MACROD2: variants seen among roughly 807,000 people sequenced by gnomAD.
MACROD2 encodes mono-ADP ribosylhydrolase 2.
MACROD2 carries 36 observed loss-of-function variants against 70.4 expected under a neutral mutation model. The observed-to-expected ratio is 0.51, with a 90% CI of 0.39 to 0.68. The LOEUF (loss-of-function observed/expected upper bound fraction) is 0.68. Ranked by LOEUF, MACROD2 falls within the 30% of genes least tolerant of loss-of-function variation. The pLI is 0.00. For missense variants in MACROD2, 496 were observed against 538.4 expected (o/e 0.92, Z 0.78); for synonymous variants, 172 against 178.8 (o/e 0.96, Z 0.30).
intron 5 of MACROD2, among the ~76,000 whole-genome samples, chr20:15,181,873 A>G (rs2076503229): frequency 1.3e-5 from 2 of 152,192 alleles, no homozygotes; most frequent in African/African-American, 4.8e-5. Context: ...TATGCCTTTG[A>G]AGAAGATTAT....
chr20:15,621,417 G>C (rs937809370), intron 8 of MACROD2, among the ~76,000 whole-genome samples: 4 of 152,070 alleles, frequency 2.6e-5, no homozygotes, highest in Admixed American at 1.3e-4. Context: ...ACTTTGCTCA[G>C]GACATGCAGA....
intron 10 of MACROD2, among the ~76,000 whole-genome samples, chr20:15,886,298 A>G (rs1411370790): frequency 6.6e-6 from 1 of 152,144 alleles, no homozygotes; most frequent in Non-Finnish European, 1.5e-5. Flanking sequence ...ACACTTGTTC[A>G]TGGCCACCTT....
chr20:14,193,254 CACA>C (rs2081402675), intron 3 of MACROD2, among the ~76,000 whole-genome samples: 1 of 152,150 alleles, frequency 6.6e-6, no homozygotes, highest in Non-Finnish European at 1.5e-5. Flanking sequence ...TTGCCTAATC[CACA>C]GAGCCAGGGA....
chr20:15,182,464 A>C (rs1446751628), intron 5 of MACROD2, among the ~76,000 whole-genome samples: 2 of 152,144 alleles, frequency 1.3e-5, no homozygotes, highest in Non-Finnish European at 2.9e-5. Context: ...GACACAAAGA[A>C]CCTAGTTGAT....
At chr20:15,900,085 T>C (rs6043605) in intron 10 of MACROD2, among the ~76,000 whole-genome samples, 10,084 of 152,184 alleles carry the variant, frequency 0.066, 862 homozygotes, top group African/African-American at 0.2. Flanking sequence ...GGACATTCTA[T>C]CTTTCAGAAT....
At chr20:14,834,713 C>T (rs2073009700) in intron 5 of MACROD2, among the ~76,000 whole-genome samples, 1 of 151,900 alleles carries the variant, frequency 6.6e-6, no homozygotes, top group East Asian at 1.9e-4. Context: ...TTACTTTATT[C>T]TATTATCTTC....
intron 6 of MACROD2, among the ~76,000 whole-genome samples, chr20:15,355,337 C>A (rs1283110645): frequency 1.3e-5 from 2 of 152,134 alleles, no homozygotes; most frequent in Non-Finnish European, 2.9e-5. Flanking sequence ...AATTGCTACA[C>A]CTATAATTAC....
intron 3 of MACROD2, among the ~76,000 whole-genome samples, chr20:14,444,887 T>G (rs907086359): frequency 1.3e-5 from 2 of 151,640 alleles, no homozygotes; most frequent in African/African-American, 2.4e-5. Context: ...TATATATATG[T>G]AGAGAGAGAG....
chr20:15,396,937 C>T (rs934811629), intron 6 of MACROD2, among the ~76,000 whole-genome samples: 8 of 152,196 alleles, frequency 5.3e-5, no homozygotes, highest in Non-Finnish European at 1.2e-4. Flanking sequence ...CAGAACGGTG[C>T]ATTCCATCAT....
chr20:15,366,232 A>G lies in MACROD2; in HGVS notation c.541-65173A>G, dbSNP rs902685483. On this transcript the variant is annotated intron_variant, in intron 6 of 17. Transcript: ENST00000684519. ...AAGACATTCAGAAGAAAATTAAGTT[A>G]TGGAAGTTTCCAATCTCCTTTTTTT... Among the ~76,000 whole-genome samples the G allele has an allele frequency of 4.6e-5, 7 of 152,286 alleles. No homozygotes were observed. In the East Asian group the frequency reaches 7.7e-4, roughly 17 times the overall value.
chr20:14,005,263 C>T (rs2148612294), intron 2 of MACROD2, among the ~76,000 whole-genome samples: 2 of 151,732 alleles, frequency 1.3e-5, no homozygotes, highest in East Asian at 3.9e-4. Context: ...AGATGATTAC[C>T]AAAAAATAAA....
At position 15,656,016 on chromosome 20, in the gene MACROD2, A is replaced by G. The variant is rs1414821186; in HGVS notation, c.645+156169A>G. 2.0e-5 allele frequency among the ~76,000 whole-genome samples: 3 copies of G among 151,960 alleles called. No individual in the cohort carries two copies. The East Asian group carries it at 5.8e-4, about 29-fold the overall frequency. ...TTGTTACCAAGTTACTTTTACAGACACCATCTCCATTTCTCCAGTGATCTA... is the reference window on the plus strand; with the variant it reads ...TTGTTACCAAGTTACTTTTACAGACGCCATCTCCATTTCTCCAGTGATCTA... On this transcript the variant is annotated intron_variant, in intron 8 of 17. Transcript: ENST00000684519.
At chr20:14,761,761 A>C (rs2072018855) in intron 5 of MACROD2, among the ~76,000 whole-genome samples, 1 of 152,084 alleles carries the variant, frequency 6.6e-6, no homozygotes, top group African/African-American at 2.4e-5. Context: ...CTCTGAAAAC[A>C]CACTACTTGC....
intron 5 of MACROD2, among the ~76,000 whole-genome samples, chr20:14,914,483 G>A (rs1460019411): frequency 6.6e-6 from 1 of 152,162 alleles, no homozygotes; most frequent in East Asian, 1.9e-4. Context: ...CTATATGAGA[G>A]CTTTGGGGCT....
rs1300868769 is a variant in MACROD2, at chr20:14,385,070, TCAAATTGGGGACAAGTTACAATGA to T, written c.272-108408_272-108385del. ...CATACTGAAGGATTTATAGAAGCCA[TCAAATTGGGGACAAGTTACAATGA>T]AAACTTTTCATTGTAAATGCACTCA... On this transcript the variant is annotated intron_variant, in intron 3 of 17. Coordinates refer to ENST00000684519, the MANE Select transcript of MACROD2 (RefSeq NM_001351661.2). 1.8e-4 allele frequency among the ~76,000 whole-genome samples: 27 copies of T among 152,198 alleles called. No homozygotes were observed. The East Asian group carries it at 5.0e-3, about 28-fold the overall frequency.
At chr20:14,149,520 T>C (rs898528916) in intron 3 of MACROD2, among the ~76,000 whole-genome samples, 1 of 152,184 alleles carries the variant, frequency 6.6e-6, no homozygotes, top group Non-Finnish European at 1.5e-5. Context: ...ATGAGATTGG[T>C]GGGTCAAGTG....
intron 3 of MACROD2, chr20:14,324,721 TGCA>T (rs1288969956): frequency 6.6e-6 from 1 of 152,124 alleles, no homozygotes; most frequent in Non-Finnish European, 1.5e-5. Flanking sequence ...AAAACCAAAA[TGCA>T]GTTTTGGTAT....
intron 6 of MACROD2, among the ~76,000 whole-genome samples, chr20:15,242,851 G>A (rs1393428560): frequency 6.6e-6 from 1 of 152,200 alleles, no homozygotes; most frequent in Non-Finnish European, 1.5e-5. Flanking sequence ...ACTCTGGGAT[G>A]GAGGTTAATG....
chr20:14,098,830 T>C (rs1468241658), intron 3 of MACROD2, among the ~76,000 whole-genome samples: 1 of 152,214 alleles, frequency 6.6e-6, no homozygotes, highest in East Asian at 1.9e-4. Flanking sequence ...GTCATCAAAG[T>C]CAAAAGTCAT....
Sources: allele counts gnomAD v4.1 joint callset (sites outside exome capture counted in the v4.1 genomes callset), GRCh38; gene constraint gnomAD v4.1.1; transcripts MANE v1.5; gene names NCBI Gene and HGNC (gene_info 2026-07-23, HGNC 2026-07-21).